Variants in FCER2 observed in about 807,000 individuals in gnomAD.
FCER2 encodes the protein low affinity immunoglobulin epsilon Fc receptor.
Under a neutral mutation model 49.7 loss-of-function variants are expected in FCER2, and 38 were observed. The ratio of observed to expected loss-of-function variants is 0.76; its 90% CI spans 0.59 to 1.00. The LOEUF is 1.00. Ranked by LOEUF, FCER2 falls within the 50% of genes least tolerant of loss-of-function variation. The pLI, the probability that FCER2 is intolerant of heterozygous loss-of-function variation, is 0.00. For missense variants in FCER2, 425 were observed against 419.5 expected, an observed-to-expected ratio of 1.01 and a Z score of -0.11; for synonymous variants, 163 against 164.6, an observed-to-expected ratio of 0.99 and a Z score of 0.07.
intron 3 of FCER2, 71 bp downstream of exon 3, chr19:7,698,670 G>A (rs546158506): frequency 6.4e-7 from 1 of 1,562,618 alleles, no homozygotes; most frequent in Admixed American, 1.9e-5. Flanking sequence ...GCTCTGAGAT[G>A]GGGGTGAAGG....
At position 7,689,325 on chromosome 19, in the gene FCER2, GCC is replaced by G; in HGVS notation, c.832_833del (p.Gly278ArgfsTer25). 1 of 1,612,996 alleles carries G rather than the reference GCC, an allele frequency of 6.2e-7. No individual in the cohort carries two copies. The highest frequency in any genetic ancestry group is 8.5e-7 in the Non-Finnish European group (1 of 1,179,666). On this transcript the variant is annotated frameshift_variant, in exon 11 of 11. Coordinates refer to ENST00000597921, the MANE Select transcript of FCER2 (RefSeq NM_001220500.2). LOFTEE classifies it high-confidence loss of function. Reference protein sequence around the residue: ...WNDAFCDRKLGAWVCDRLATC... With the variant: ...WNDAFCDRKLXAWVCDRLATC... The stretch of plus-strand genomic sequence containing the variant: ...TGGCCAGCCGGTCGCACACCCAGGC[GCC>G]CAGCTTACGGTCGCAGAAGGCGTCG...
At position 7,697,599 on chromosome 19, in the gene FCER2, C is replaced by A. The variant is rs528343605; in HGVS notation, c.191-10G>T. 39 of 1,613,412 alleles carry A rather than the reference C, an allele frequency of 2.4e-5. No individual in the cohort carries two copies. The highest frequency in any genetic ancestry group is 2.9e-5 in the Non-Finnish European group (34 of 1,179,578). On this transcript the variant is annotated splice_polypyrimidine_tract_variant and intron_variant, in intron 4 of 10. Transcript: ENST00000597921. ...TTGGAAACTTGAGAGACTGGAGCGG[C>A]GGGAGAGAAGAGATATCCCAGGAAC...
chr19:7,701,045 G>A (rs1242562588), intron 1 of FCER2, among the ~76,000 whole-genome samples: 1 of 150,368 alleles, frequency 6.7e-6, no homozygotes, highest in Non-Finnish European at 1.5e-5. Context: ...CCTGACCACA[G>A]GTGATCTGCC....
In FCER2 at chr19:7,699,940, T is replaced by C. The variant is rs60818329; in HGVS notation, c.-85-95A>G. 4,590 of 648,408 alleles carry C rather than the reference T, an allele frequency of 7.1e-3. 170 individuals are homozygous for C. Among genetic ancestry groups the C allele is most frequent in the African/African-American group, 0.07 (3,906 of 55,532 alleles). 40.2% of individuals were successfully genotyped at this position (648,408 alleles called of 1,614,324 possible). A position where few individuals can be genotyped will look rare whatever the true frequency, so the allele number is the denominator to read the frequency against. The stretch of plus-strand genomic sequence containing the variant: ...GGACTTGGTGGCACTCAGGGGCCAT[T>C]TGCTGATTTTGTTTAGTCTACAATC... On this transcript the variant is annotated intron_variant, in intron 1 of 10. Coordinates refer to ENST00000597921, the MANE Select transcript of FCER2 (RefSeq NM_001220500.2).
At position 7,688,976 on chromosome 19, in the gene FCER2, C is replaced by T; in HGVS notation, c.*217G>A. 1 of 551,246 alleles carries T rather than the reference C, an allele frequency of 1.8e-6. No individual in the cohort carries two copies. The highest frequency in any genetic ancestry group is 2.1e-5 in the South Asian group (1 of 47,904). The allele number at this position is 551,246 out of a possible 1,614,324, so 34.1% of individuals were successfully genotyped here. A position where few individuals can be genotyped will look rare whatever the true frequency, so the allele number is the denominator to read the frequency against. On this transcript the variant is annotated 3_prime_UTR_variant, in exon 11 of 11. Coordinates refer to ENST00000597921, the MANE Select transcript of FCER2 (RefSeq NM_001220500.2). ...AGAGGGTGCTGTTGGGGTGTACTCT[C>T]ATCTGGAGAGGGTGCTGTTGGGGGC...
chr19:7,693,479 G>T (rs1467900753), intron 8 of FCER2, among the ~76,000 whole-genome samples: 2 of 151,958 alleles, frequency 1.3e-5, no homozygotes, highest in African/African-American at 4.8e-5. Flanking sequence ...TTCAGCAGTG[G>T]TGTGCACCTG....
intron 8 of FCER2, among the ~76,000 whole-genome samples, chr19:7,694,750 C>T (rs1414339218): frequency 1.3e-5 from 2 of 152,102 alleles, no homozygotes; most frequent in East Asian, 3.8e-4. Flanking sequence ...CTGGGGCTTC[C>T]CAGAGGTCAA....
In FCER2 at chr19:7,690,499, G is replaced by A. The variant is rs763047133; in HGVS notation, c.528C>T (p.Tyr176=). ...CCCACTGCTTGGTGCCCTTGCCGAA[G>A]TAGTAGCACTTCCGTTGGAAATTGA... ...KWINFQRKCY[Y]FGKGTKQWVH... is the part of the protein sequence containing the mutation. The change falls in exon 9 of 11, where the codon TAC becomes TAT. Residue 176 remains tyrosine (Y), a synonymous_variant. Coordinates refer to ENST00000597921, the MANE Select transcript of FCER2 (RefSeq NM_001220500.2). 5 of 1,614,140 alleles carry A rather than the reference G, an allele frequency of 3.1e-6. No homozygotes were observed. The highest frequency in any genetic ancestry group is 3.4e-6 in the Non-Finnish European group (4 of 1,179,990).
intron 8 of FCER2, among the ~76,000 whole-genome samples, chr19:7,693,869 G>A (rs538306253): frequency 2.6e-5 from 4 of 151,492 alleles, no homozygotes; most frequent in African/African-American, 9.7e-5. Context: ...GGCTGGTCTC[G>A]ATCTCCTGAC....
chr19:7,692,270 G>A (rs1412156523), intron 8 of FCER2, among the ~76,000 whole-genome samples: 2 of 132,378 alleles, frequency 1.5e-5, no homozygotes, highest in Admixed American at 7.1e-5. Flanking sequence ...ACACATTCAC[G>A]TCCATCAACA....
At chr19:7,696,710 C>A (rs1262737375) in intron 8 of FCER2, 115 bp downstream of exon 8, 2 of 754,394 alleles carry the variant, frequency 2.7e-6, no homozygotes, top group Non-Finnish European at 2.2e-6. Context: ...ACTCGGGTCA[C>A]ACAAACGTAT....
chr19:7,690,223 C>T lies in FCER2; in HGVS notation c.664G>A (p.Gly222Ser), dbSNP rs1274154825. The T allele has an allele frequency of 1.9e-6, 3 of 1,614,130 alleles. No homozygotes were observed. Among genetic ancestry groups the T allele is most frequent in the Admixed American group, 1.7e-5 (1 of 60,022 alleles). Residue 222 changes from glycine to serine, a missense_variant, in exon 10 of 11, where the codon GGC becomes AGC. Coordinates refer to ENST00000597921, the MANE Select transcript of FCER2 (RefSeq NM_001220500.2). ...CCCTTCAGGTCCAAGTTCCGAAGGC[C>T]AATCCAGGAGCCGGTGTGGCTGGCA... ...KHASHTGSWI[G>S]LRNLDLKGEF...
At chr19:7,701,931 T>C (rs186640425) in intron 1 of FCER2, 84 bp downstream of exon 1, 1 of 138,902 alleles carries the variant, frequency 7.2e-6, no homozygotes, top group African/African-American at 2.7e-5. Flanking sequence ...GGTCATCCCT[T>C]GAGGCTCAGC....
intron 10 of FCER2, among the ~76,000 whole-genome samples, chr19:7,689,805 A>G (rs529252170): frequency 1.3e-5 from 2 of 152,018 alleles, no homozygotes; most frequent in East Asian, 3.9e-4. Flanking sequence ...TTTTTAGTAG[A>G]GAGGGGTTTC....
Position 7,698,964 on chromosome 19 carries a change from C to T in FCER2, c.23-110G>A, listed in dbSNP as rs562872186. ...GACAGCCTGGGAGCTTGTCCAGAGC[C>T]CACACTGAAGCAAAGGGTCTCAGTG... On this transcript the variant is annotated intron_variant, in intron 2 of 10. Transcript: ENST00000597921. The T allele has an allele frequency of 6.1e-5, 73 of 1,201,348 alleles. No individual in the cohort carries two copies. In the Middle Eastern group the frequency reaches 1.8e-3, roughly 30 times the overall value. 74.4% of individuals were successfully genotyped at this position (1,201,348 alleles called of 1,614,324 possible).
chr19:7,697,485 C>G (rs1279130481), intron 5 of FCER2, 42 bp downstream of exon 5: 2 of 1,568,252 alleles, frequency 1.3e-6, no homozygotes, highest in Non-Finnish European at 1.7e-6. Flanking sequence ...CCAAGACCCC[C>G]TCGCTTTTTC....
intron 1 of FCER2, among the ~76,000 whole-genome samples, 187 bp downstream of exon 1, chr19:7,701,828 A>G (rs2033156974): frequency 6.6e-6 from 1 of 151,692 alleles, no homozygotes; most frequent in Non-Finnish European, 1.5e-5. Flanking sequence ...CAAATCAGGG[A>G]CTCGAATGCC....
At chr19:7,692,440 C>A (rs376742544) in intron 8 of FCER2, among the ~76,000 whole-genome samples, 2,147 of 150,714 alleles carry the variant, frequency 0.014, 537 homozygotes, top group Middle Eastern at 0.041. Context: ...ATTACCAACA[C>A]CAGCGCCACG....
At chr19:7,693,389 G>C in intron 8 of FCER2, among the ~76,000 whole-genome samples, 1 of 150,710 alleles carries the variant, frequency 6.6e-6, no homozygotes, top group South Asian at 2.1e-4. Flanking sequence ...GAAACTCCCA[G>C]ACATTGTTGC....
Sources: gnomAD v4.1 joint callset for allele counts (sites outside exome capture counted in the v4.1 genomes callset) on GRCh38, gnomAD v4.1.1 for gene constraint, MANE v1.5 for transcripts, NCBI Gene and HGNC (gene_info 2026-07-23, HGNC 2026-07-21) for gene names.